The following RTN4 variants were observed in gnomAD, a reference collection of about 807,000 sequenced individuals.
The protein encoded by RTN4 is reticulon 4, also known as reticulon-4.
A neutral mutation model predicts 90.4 loss-of-function variants in RTN4; 32 were observed. The observed-to-expected ratio is 0.35, with a 90% confidence interval of 0.27 to 0.48. RTN4 has a LOEUF of 0.48. Ranked by LOEUF, RTN4 falls within the 20% of genes least tolerant of loss-of-function variation. The pLI is 0.99. For missense variants in RTN4, 1,706 were observed against 1,430.2 expected, an observed-to-expected ratio of 1.19 and a Z score of -3.11; for synonymous variants, 629 against 552.5, an observed-to-expected ratio of 1.14 and a Z score of -1.94.
At chr2:55,053,692 A>C (rs1004844469), upstream of RTN4, among the ~76,000 whole-genome samples, 14 of 111,326 alleles carry the variant, frequency 1.3e-4, no homozygotes, top group Non-Finnish European at 2.0e-4. Flanking sequence ...ATCTCAAAAA[A>C]AAACAAAAAA....
chr2:55,047,667 T>C (rs1010818288), intron 1 of RTN4, among the ~76,000 whole-genome samples: 2 of 152,212 alleles, frequency 1.3e-5, no homozygotes, highest in Non-Finnish European at 2.9e-5. Context: ...GCAGTTACAC[T>C]ACTTGATTCT....
chr2:54,978,606 T>A (rs1047376483), intron 5 of RTN4, among the ~76,000 whole-genome samples: 2 of 152,146 alleles, frequency 1.3e-5, no homozygotes, highest in African/African-American at 4.8e-5. Context: ...CAGAGCTTGA[T>A]AAAAATGTCT....
intron 1 of RTN4, among the ~76,000 whole-genome samples, chr2:55,035,309 T>C (rs962035348): frequency 1.3e-5 from 2 of 152,206 alleles, no homozygotes; most frequent in African/African-American, 2.4e-5. Flanking sequence ...AGTGAAATCA[T>C]GCAGTCTATG....
chr2:54,975,441 A>C (rs1558751187), intron 5 of RTN4, among the ~76,000 whole-genome samples: 1 of 152,228 alleles, frequency 6.6e-6, no homozygotes, highest in Non-Finnish European at 1.5e-5. Context: ...GTAACACTAT[A>C]AATGAAAAGG....
chr2:55,032,660 GA>G (rs1682401135), intron 1 of RTN4, among the ~76,000 whole-genome samples: 4 of 152,026 alleles, frequency 2.6e-5, no homozygotes, highest in Admixed American at 2.6e-4. Flanking sequence ...AAGGGCAAGT[GA>G]AAAAAGGAAC....
the RTN4 span, among the ~76,000 whole-genome samples, chr2:55,130,081 G>T: frequency 6.6e-6 from 1 of 152,096 alleles, no homozygotes; most frequent in Non-Finnish European, 1.5e-5. Flanking sequence ...GTTTGTGAAG[G>T]CATAAAATTG....
At position 55,081,187 on chromosome 2, in the gene RTN4, C is replaced by T. The variant is rs529254273; in HGVS notation, c.-213-548G>A. Among the ~76,000 whole-genome samples the T allele has an allele frequency of 3.4e-4, 52 of 152,298 alleles. 2 individuals carry two copies. In the East Asian group the frequency reaches 5.6e-3, roughly 16 times the overall value. Reference sequence around the variant, plus strand: ...CCTCCTGGGCCAAGTGATCCTCCTGCCTCAGCCTCTGAAGTAGCTGGGACC... The same window carrying T: ...CCTCCTGGGCCAAGTGATCCTCCTGTCTCAGCCTCTGAAGTAGCTGGGACC... On this transcript the variant is annotated intron_variant, in intron 1 of 3. Transcript: ENST00000427710.
chr2:55,042,522 C>T (rs1683144911), intron 1 of RTN4, among the ~76,000 whole-genome samples: 3 of 152,110 alleles, frequency 2.0e-5, no homozygotes, highest in Admixed American at 2.0e-4. Context: ...TATCTCTAAA[C>T]AGATACTCAA....
intron 1 of RTN4, among the ~76,000 whole-genome samples, chr2:55,105,360 G>T (rs1667926492): frequency 6.6e-6 from 1 of 150,972 alleles, no homozygotes. Flanking sequence ...CTCCTGAGTA[G>T]CTGGGATTAC....
At chr2:55,116,252 G>A (rs1374924803), upstream of RTN4, among the ~76,000 whole-genome samples, 1 of 152,086 alleles carries the variant, frequency 6.6e-6, no homozygotes, top group Admixed American at 6.6e-5. Context: ...TCATCAGGCT[G>A]ATCCTGGACC....
rs757070661 is a variant in RTN4, at chr2:55,026,169, C to G, written c.1930G>C (p.Val644Leu). 3.1e-6 allele frequency: 5 copies of G among 1,613,466 alleles called. No homozygotes were observed. The highest frequency in any genetic ancestry group is 4.2e-6 in the Non-Finnish European group (5 of 1,179,786). The change falls in exon 3 of 9, where the codon GTT (valine) becomes CTT (leucine). Residue 644 changes from valine (V) to leucine (L), a missense_variant. Val to Leu is a conservative substitution (Grantham distance 32). Transcript: ENST00000337526. ...TCATGTTTTATGCTTTCATAATTAA[C>G]TGAAGAAGCTTCTAATGGTGATGAG... ...PSSSPLEASS[V>L]NYESIKHEPE...
chr2:55,031,709 C>G (rs955611101), intron 1 of RTN4, among the ~76,000 whole-genome samples: 10 of 152,190 alleles, frequency 6.6e-5, no homozygotes, highest in Non-Finnish European at 1.3e-4. Flanking sequence ...GGCTCATGAG[C>G]CCATATTGTA....
At chr2:55,086,711 A>G (rs555625127) in intron 1 of RTN4, among the ~76,000 whole-genome samples, 104 of 152,066 alleles carry the variant, frequency 6.8e-4, no homozygotes, top group African/African-American at 2.4e-3. Flanking sequence ...TAATAACATC[A>G]GTATCTCAGA....
chr2:55,129,336 G>T, the RTN4 span, among the ~76,000 whole-genome samples: 3 of 152,050 alleles, frequency 2.0e-5, no homozygotes, highest in African/African-American at 7.2e-5. Flanking sequence ...CATTTTGGAA[G>T]GCCGAGGCAG....
chr2:54,976,912 C>A (rs533361140), intron 5 of RTN4, among the ~76,000 whole-genome samples: 1 of 152,170 alleles, frequency 6.6e-6, no homozygotes, highest in Non-Finnish European at 1.5e-5. Context: ...TGCACAGTAT[C>A]GAGACTGGAG....
At chr2:55,031,974 A>G (rs1381438897) in intron 1 of RTN4, among the ~76,000 whole-genome samples, 2 of 152,250 alleles carry the variant, frequency 1.3e-5, no homozygotes, top group Non-Finnish European at 2.9e-5. Context: ...CAAATCCATG[A>G]CATGCAGTAT....
intron 3 of RTN4, among the ~76,000 whole-genome samples, chr2:54,991,210 A>AT (rs1339388768): frequency 1.3e-5 from 2 of 152,170 alleles, no homozygotes; most frequent in East Asian, 1.9e-4. Context: ...TGTACTTGCT[A>AT]TTTTTTACCA....
At chr2:55,041,860 A>G (rs1334728322) in intron 1 of RTN4, among the ~76,000 whole-genome samples, 1 of 152,086 alleles carries the variant, frequency 6.6e-6, no homozygotes, top group Non-Finnish European at 1.5e-5. Context: ...TCAAAGTCAT[A>G]AAAGAAAATG....
At chr2:55,081,795 G>A (rs1391065933) in intron 1 of RTN4, among the ~76,000 whole-genome samples, 2 of 149,204 alleles carry the variant, frequency 1.3e-5, no homozygotes, top group Non-Finnish European at 3.0e-5. Context: ...CCTGGCAGGT[G>A]CAGGTTGCAT....
Sources: allele counts gnomAD v4.1 joint callset (sites outside exome capture counted in the v4.1 genomes callset), GRCh38; gene constraint gnomAD v4.1.1; transcripts MANE v1.5; gene names NCBI Gene and HGNC (gene_info 2026-07-23, HGNC 2026-07-21).